Variants in LRMDA observed in about 807,000 individuals in gnomAD.
LRMDA encodes the protein leucine rich melanocyte differentiation associated, also known as leucine-rich melanocyte differentiation-associated protein.
Under a neutral mutation model 29.8 loss-of-function variants are expected in LRMDA, and 18 were observed. The observed-to-expected ratio is 0.60, with a 90% CI of 0.42 to 0.90. LRMDA has a LOEUF of 0.90. LRMDA is among the 40% of genes least tolerant of loss of function. The pLI is 0.00. For synonymous variants in LRMDA, 125 were observed against 109.4 expected (o/e 1.14, Z -0.89); for missense variants, 273 against 273.9 (o/e 1.00, Z 0.02).
At chr10:76,267,064 T>C (rs767125944) in intron 5 of LRMDA, among the ~76,000 whole-genome samples, 1 of 152,120 alleles carries the variant, frequency 6.6e-6, no homozygotes, top group Non-Finnish European at 1.5e-5. Flanking sequence ...CCTCCTTCTA[T>C]AGGGACTCTT....
chr10:75,520,506 G>A (rs1188322474), intron 2 of LRMDA, among the ~76,000 whole-genome samples: 1 of 152,128 alleles, frequency 6.6e-6, no homozygotes, highest in South Asian at 2.1e-4. Flanking sequence ...TGAAGTTCTT[G>A]TGCCATGGTT....
At chr10:75,955,772 C>T (rs1431144297) in intron 2 of LRMDA, among the ~76,000 whole-genome samples, 1 of 152,046 alleles carries the variant, frequency 6.6e-6, no homozygotes, top group Non-Finnish European at 1.5e-5. Context: ...TTTTGGAGTT[C>T]CTGTGGCTTG....
chr10:76,272,975 GA>G (rs1840086961), intron 5 of LRMDA, among the ~76,000 whole-genome samples: 2 of 152,150 alleles, frequency 1.3e-5, no homozygotes, highest in South Asian at 4.2e-4. Flanking sequence ...AACATGTGGG[GA>G]TTACAATTCA....
At chr10:76,018,467 C>T (rs1336554417) in intron 2 of LRMDA, among the ~76,000 whole-genome samples, 1 of 151,860 alleles carries the variant, frequency 6.6e-6, no homozygotes, top group Non-Finnish European at 1.5e-5. Flanking sequence ...GGAAAATGCA[C>T]AGACATGTCG....
chr10:75,709,133 G>A (rs2132175682), intron 2 of LRMDA, among the ~76,000 whole-genome samples: 1 of 152,016 alleles, frequency 6.6e-6, no homozygotes, highest in South Asian at 2.1e-4. Flanking sequence ...ACTTTTAACT[G>A]AACATAACAA....
At chr10:76,200,408 T>C (rs752985900) in intron 5 of LRMDA, among the ~76,000 whole-genome samples, 7 of 152,336 alleles carry the variant, frequency 4.6e-5, no homozygotes, top group Non-Finnish European at 7.3e-5. Context: ...CTTTCATGTC[T>C]ACTTTTTGCC....
chr10:76,555,144 A>G (rs1345251332), intron 6 of LRMDA, among the ~76,000 whole-genome samples: 1 of 152,124 alleles, frequency 6.6e-6, no homozygotes, highest in Non-Finnish European at 1.5e-5. Context: ...CCTGTAGTGG[A>G]TGCTATTCCT....
intron 2 of LRMDA, among the ~76,000 whole-genome samples, chr10:75,755,356 G>C (rs1009178056): frequency 1.3e-5 from 2 of 152,194 alleles, no homozygotes; most frequent in African/African-American, 4.8e-5. Flanking sequence ...CAGGTGTTCG[G>C]CAAAGATTTC....
intron 2 of LRMDA, among the ~76,000 whole-genome samples, chr10:75,942,281 CCCATCCAGAG>C (rs1490596248): frequency 6.6e-5 from 10 of 152,304 alleles, no homozygotes; most frequent in African/African-American, 2.4e-4. Context: ...ACCCCAGATG[CCCATCCAGAG>C]GCTGAGCTGT....
At chr10:75,598,741 T>A (rs1158805675) in intron 2 of LRMDA, among the ~76,000 whole-genome samples, 2 of 152,188 alleles carry the variant, frequency 1.3e-5, no homozygotes, top group African/African-American at 4.8e-5. Flanking sequence ...TTCTTACGCA[T>A]ACCTAGTATA....
At chr10:75,880,814 A>T (rs1439841068) in intron 2 of LRMDA, among the ~76,000 whole-genome samples, 1 of 152,244 alleles carries the variant, frequency 6.6e-6, no homozygotes, top group Non-Finnish European at 1.5e-5. Context: ...CAAAAAGTGG[A>T]GATAAAGGCC....
At chr10:75,861,357 G>A (rs1439693824) in intron 2 of LRMDA, among the ~76,000 whole-genome samples, 7 of 152,086 alleles carry the variant, frequency 4.6e-5, no homozygotes, top group Admixed American at 2.6e-4. Flanking sequence ...AAGGTGTAAA[G>A]TTGGTCCTTT....
intron 2 of LRMDA, among the ~76,000 whole-genome samples, chr10:75,462,043 C>T (rs1254003947): frequency 3.3e-5 from 5 of 152,178 alleles, no homozygotes; most frequent in East Asian, 1.9e-4. Flanking sequence ...GCATTTGAAA[C>T]GAAAGTGCCT....
chr10:76,175,719 G>T lies in LRMDA; in HGVS notation c.516+116936G>T, dbSNP rs527929215. ...AAAGCTGAATTGCTGCACCTGGGAA[G>T]AGTGAAGCCTTGGCGGGCAAGGGCA... On this transcript the variant is annotated intron_variant, in intron 5 of 6. Coordinates refer to ENST00000611255, the MANE Select transcript of LRMDA (RefSeq NM_001305581.2). Among the ~76,000 whole-genome samples, 3 of 152,332 alleles carry T rather than the reference G, an allele frequency of 2.0e-5. No homozygotes were observed. In the South Asian group the frequency reaches 6.2e-4, roughly 32 times the overall value.
intron 2 of LRMDA, chr10:75,742,884 G>A (rs989486137): frequency 6.6e-6 from 1 of 152,236 alleles, no homozygotes; most frequent in Non-Finnish European, 1.5e-5. Context: ...GCTGGCCAAG[G>A]TGAGAATCAC....
chr10:75,727,516 C>T (rs564562348), intron 2 of LRMDA, among the ~76,000 whole-genome samples: 2 of 152,300 alleles, frequency 1.3e-5, no homozygotes, highest in South Asian at 2.1e-4. Flanking sequence ...TATGCATATG[C>T]TTATCGCTTG....
chr10:76,363,160 A>G (rs867541225), intron 6 of LRMDA, among the ~76,000 whole-genome samples: 459 of 40,750 alleles, frequency 0.011, 23 homozygotes, highest in Non-Finnish European at 0.019. Flanking sequence ...AAAGAAAGAA[A>G]GAAAGAAAGA....
chr10:75,683,475 C>T (rs751446064), intron 2 of LRMDA, among the ~76,000 whole-genome samples: 1 of 152,158 alleles, frequency 6.6e-6, no homozygotes, highest in Non-Finnish European at 1.5e-5. Context: ...ACACTCAGTA[C>T]AGTATTAAAT....
chr10:76,164,087 T>A (rs1022476600), intron 5 of LRMDA, among the ~76,000 whole-genome samples: 3 of 152,098 alleles, frequency 2.0e-5, no homozygotes, highest in African/African-American at 7.2e-5. Context: ...GAACCAAGTC[T>A]GGAAGCCTCT....
Sources: allele counts gnomAD v4.1 joint callset (sites outside exome capture counted in the v4.1 genomes callset), GRCh38; gene constraint gnomAD v4.1.1; transcripts MANE v1.5; gene names NCBI Gene and HGNC (gene_info 2026-07-23, HGNC 2026-07-21).